Variants in LRRC37A2 observed in about 807,000 individuals in gnomAD.
LRRC37A2 encodes the protein leucine-rich repeat-containing protein 37A2.
A neutral mutation model predicts 68.8 loss-of-function variants in LRRC37A2; 9 were observed. That is an observed-to-expected ratio of 0.13 (90% CI 0.08 to 0.23). LRRC37A2 has a LOEUF of 0.23. Ranked by LOEUF, LRRC37A2 falls within the 10% of genes least tolerant of loss-of-function variation. The pLI, the probability that LRRC37A2 is intolerant of heterozygous loss-of-function variation, is 1.00. For missense variants in LRRC37A2, 168 were observed against 950.4 expected (o/e 0.18, Z 10.82); for synonymous variants, 63 against 367.6 (o/e 0.17, Z 9.48).
At chr17:46,739,721 CTT>C in the LRRC37A2 span, among the ~76,000 whole-genome samples, 1 of 146,408 alleles carries the variant, frequency 6.8e-6, no homozygotes, top group East Asian at 2.4e-4. Context: ...CCAAAAAGTT[CTT>C]TTTTTCTGAT....
the LRRC37A2 span, chr17:46,830,761 G>T: frequency 2.5e-6 from 1 of 398,622 alleles, no homozygotes; most frequent in Non-Finnish European, 4.4e-6. Flanking sequence ...AGAAGGTGAG[G>T]CATGGGTTAA....
the LRRC37A2 span, among the ~76,000 whole-genome samples, chr17:46,925,927 A>G: frequency 6.6e-6 from 1 of 152,236 alleles, no homozygotes; most frequent in Non-Finnish European, 1.5e-5. Flanking sequence ...TAGAGGAGCT[A>G]ATAGCCAGGC....
At chr17:46,891,000 A>T in the LRRC37A2 span, among the ~76,000 whole-genome samples, 10 of 152,152 alleles carry the variant, frequency 6.6e-5, no homozygotes, top group African/African-American at 2.2e-4. Context: ...AGGCACAGCG[A>T]AATGAAAAGC....
At chr17:46,956,095 C>T in the LRRC37A2 span, among the ~76,000 whole-genome samples, 66 of 152,124 alleles carry the variant, frequency 4.3e-4, no homozygotes, top group African/African-American at 1.4e-3. Flanking sequence ...AGAAGGTAGC[C>T]GGGAGCAGTT....
At chr17:46,941,313 G>A in the LRRC37A2 span, 1 of 985,634 alleles carries the variant, frequency 1.0e-6, no homozygotes. Flanking sequence ...TACACCCATT[G>A]TTTTGGAAGC....
At position 46,526,519 on chromosome 17, in the gene LRRC37A2, T is replaced by A. The variant is rs554105633; in HGVS notation, c.2906+2635T>A. ...GAAATTTTTGTATTCATAATTTTTT[T>A]AATGTTTTTACTAGATAAGGCTCAG... On this transcript the variant is annotated intron_variant, in intron 6 of 14. Transcript: ENST00000576629. Among the ~76,000 whole-genome samples the A allele has an allele frequency of 1.5e-3, 154 of 105,134 alleles. 41 individuals are homozygous for A. Among genetic ancestry groups the A allele is most frequent in the African/African-American group, 5.3e-3 (147 of 27,632 alleles). The allele number at this position is 105,134 out of a possible 152,430, so 69.0% of individuals were successfully genotyped here. A position where few individuals can be genotyped will look rare whatever the true frequency, so the allele number is the denominator to read the frequency against.
intron 6 of LRRC37A2, among the ~76,000 whole-genome samples, chr17:46,533,868 A>G (rs1307277543): frequency 1.0e-5 from 1 of 99,552 alleles, no homozygotes; most frequent in Non-Finnish European, 1.8e-5. Flanking sequence ...TCTAGCAACA[A>G]AGTCTCTCAG....
the LRRC37A2 span, among the ~76,000 whole-genome samples, chr17:46,820,065 C>T: frequency 6.6e-6 from 1 of 152,210 alleles, no homozygotes; most frequent in African/African-American, 2.4e-5. Context: ...GAACGGCGGG[C>T]GTTCCACGAG....
the LRRC37A2 span, among the ~76,000 whole-genome samples, chr17:46,817,240 G>A: frequency 6.6e-6 from 1 of 152,176 alleles, no homozygotes; most frequent in Non-Finnish European, 1.5e-5. Context: ...CCTGGACTCT[G>A]GGTTGGCGAA....
At chr17:46,849,333 G>C in the LRRC37A2 span, among the ~76,000 whole-genome samples, 94 of 152,298 alleles carry the variant, frequency 6.2e-4, no homozygotes, top group African/African-American at 2.2e-3. Flanking sequence ...GTCACTTTGG[G>C]AGAATGTGCC....
chr17:46,900,202 T>TATACACAC, the LRRC37A2 span, among the ~76,000 whole-genome samples: 5 of 101,172 alleles, frequency 4.9e-5, no homozygotes, highest in African/African-American at 2.5e-4. Context: ...TATATATATA[T>TATACACAC]ACACACACAC....
At chr17:46,905,474 A>C in the LRRC37A2 span, among the ~76,000 whole-genome samples, 2 of 152,230 alleles carry the variant, frequency 1.3e-5, no homozygotes, top group East Asian at 3.8e-4. Flanking sequence ...GACAGCAGCA[A>C]GAAGACTTTG....
At chr17:46,751,280 T>A in the LRRC37A2 span, among the ~76,000 whole-genome samples, 1 of 152,144 alleles carries the variant, frequency 6.6e-6, no homozygotes, top group Admixed American at 6.5e-5. Flanking sequence ...TACATAGCGG[T>A]CCATAAGAAA....
At chr17:46,439,395 A>AT in the LRRC37A2 span, among the ~76,000 whole-genome samples, 1 of 150,342 alleles carries the variant, frequency 6.7e-6, no homozygotes, top group Non-Finnish European at 1.5e-5. Context: ...CAAAAAAAAA[A>AT]AAAAAAGCAT....
the LRRC37A2 span, among the ~76,000 whole-genome samples, chr17:46,970,189 A>G: frequency 6.6e-6 from 1 of 152,106 alleles, no homozygotes; most frequent in Non-Finnish European, 1.5e-5. Flanking sequence ...CATCTCCCCC[A>G]TCATCTCAAA....
chr17:47,047,905 T>C, the LRRC37A2 span, among the ~76,000 whole-genome samples: 2 of 151,170 alleles, frequency 1.3e-5, no homozygotes, highest in Non-Finnish European at 2.9e-5. Flanking sequence ...GTAGATTAGG[T>C]TTATTAGCAT....
At chr17:46,720,831 G>A in the LRRC37A2 span, among the ~76,000 whole-genome samples, 1 of 152,154 alleles carries the variant, frequency 6.6e-6, no homozygotes, top group African/African-American at 2.4e-5. Flanking sequence ...TTACCTAAGG[G>A]CACTAAGGAG....
At chr17:46,931,394 G>C in the LRRC37A2 span, 1 of 614,304 alleles carries the variant, frequency 1.6e-6, no homozygotes, top group Admixed American at 3.0e-5. Flanking sequence ...TAAATAGCCT[G>C]TGAGGTTTGT....
the LRRC37A2 span, among the ~76,000 whole-genome samples, chr17:46,820,552 C>G: frequency 6.6e-6 from 1 of 152,038 alleles, no homozygotes; most frequent in African/African-American, 2.4e-5. Flanking sequence ...AGTGGTGAAC[C>G]TGGTGGGGGC....
Sources: gnomAD v4.1 joint callset for allele counts (sites outside exome capture counted in the v4.1 genomes callset) on GRCh38, gnomAD v4.1.1 for gene constraint, MANE v1.5 for transcripts, NCBI Gene and HGNC (gene_info 2026-07-23, HGNC 2026-07-21) for gene names.